LSAMP: variants seen among roughly 807,000 people sequenced by gnomAD.
LSAMP encodes limbic system-associated membrane protein.
In LSAMP, 7 loss-of-function variants were observed where a neutral mutation model predicts 38.6. The observed-to-expected ratio is 0.18, with a 90% CI of 0.10 to 0.34. The LOEUF is 0.34. Ranked by LOEUF, LSAMP falls within the 10% of genes least tolerant of loss-of-function variation. The probability of loss-of-function intolerance (pLI) is 1.00; values close to 1 mark genes in which losing one functional copy is unlikely to be tolerated. For missense variants in LSAMP, 313 were observed against 420.0 expected, an observed-to-expected ratio of 0.75 and a Z score of 2.23; for synonymous variants, 154 against 166.8, an observed-to-expected ratio of 0.92 and a Z score of 0.59.
At chr3:116,036,497 G>C (rs889922451) in intron 2 of LSAMP, among the ~76,000 whole-genome samples, 1 of 152,070 alleles carries the variant, frequency 6.6e-6, no homozygotes, top group Non-Finnish European at 1.5e-5. Flanking sequence ...CTAATTCTGT[G>C]CCTCACTTTT....
chr3:116,200,790 G>T (rs545530707), intron 1 of LSAMP, among the ~76,000 whole-genome samples: 1 of 152,164 alleles, frequency 6.6e-6, no homozygotes, highest in Non-Finnish European at 1.5e-5. Context: ...AAAAGCAAGA[G>T]AAAATAGCAG....
chr3:116,381,342 T>C (rs1198208244), intron 1 of LSAMP, among the ~76,000 whole-genome samples: 1 of 152,266 alleles, frequency 6.6e-6, no homozygotes, highest in Admixed American at 6.5e-5. Flanking sequence ...TATTATAATG[T>C]ACATGAAAGA....
intron 3 of LSAMP, among the ~76,000 whole-genome samples, chr3:115,879,502 A>C (rs1011921434): frequency 6.6e-6 from 1 of 152,202 alleles, no homozygotes; most frequent in Non-Finnish European, 1.5e-5. Flanking sequence ...TGTAAATAAT[A>C]AATAAAAAGC....
At chr3:115,846,741 A>G (rs1935172519) in intron 4 of LSAMP, among the ~76,000 whole-genome samples, 1 of 152,192 alleles carries the variant, frequency 6.6e-6, no homozygotes, top group Admixed American at 6.5e-5. Flanking sequence ...TTTGGAGAAC[A>G]ATGAATTGCT....
At chr3:116,410,166 C>T (rs2048952675) in intron 1 of LSAMP, among the ~76,000 whole-genome samples, 2 of 152,014 alleles carry the variant, frequency 1.3e-5, no homozygotes, top group African/African-American at 4.8e-5. Context: ...TATATAGCAC[C>T]TCAATCACGA....
Position 115,804,889 on chromosome 3 carries a change from A to C in LSAMP, c.*5428T>G, listed in dbSNP as rs1933596918. The C allele has an allele frequency of 6.6e-6, 1 of 152,198 alleles. No individual in the cohort carries two copies. The highest frequency in any genetic ancestry group is 6.5e-5 in the Admixed American group (1 of 15,280). The allele number at this position is 152,198 out of a possible 1,614,324, so 9.4% of individuals were successfully genotyped here. A position where few individuals can be genotyped will look rare whatever the true frequency, so the allele number is the denominator to read the frequency against. On this transcript the variant is annotated 3_prime_UTR_variant, in exon 7 of 7. Coordinates refer to ENST00000490035, the MANE Select transcript of LSAMP (RefSeq NM_002338.5). ...TGTGGAAACATTAGGCTACCAGATA[A>C]ATAAAAGGTAGTTATTTCCTAGGGT...
intron 6 of LSAMP, among the ~76,000 whole-genome samples, chr3:115,824,676 C>T (rs2107471791): frequency 6.7e-6 from 1 of 149,930 alleles, no homozygotes; most frequent in African/African-American, 2.5e-5. Context: ...AGTCATTGCA[C>T]TCCAGCCTGG....
intron 1 of LSAMP, among the ~76,000 whole-genome samples, chr3:116,087,895 A>AT (rs113096762): frequency 0.016 from 2,170 of 139,608 alleles, 35 homozygotes; most frequent in African/African-American, 0.043. Flanking sequence ...TTAGAGGGAG[A>AT]TTTTTTTTTT....
intron 3 of LSAMP, among the ~76,000 whole-genome samples, chr3:115,960,988 G>T (rs1032569437): frequency 1.3e-5 from 2 of 152,092 alleles, no homozygotes; most frequent in South Asian, 4.1e-4. Context: ...CCTCCCACAC[G>T]CCCAACTTGA....
At chr3:116,408,812 A>C (rs1189280015) in intron 1 of LSAMP, among the ~76,000 whole-genome samples, 1 of 152,056 alleles carries the variant, frequency 6.6e-6, no homozygotes, top group Non-Finnish European at 1.5e-5. Context: ...TGGCTTACTG[A>C]TTGTCAGATA....
chr3:116,418,589 C>G (rs868715900), intron 1 of LSAMP, among the ~76,000 whole-genome samples: 27 of 152,238 alleles, frequency 1.8e-4, no homozygotes, highest in Admixed American at 1.4e-3. Context: ...GGATGATCCC[C>G]TGCTGCAAGC....
intron 1 of LSAMP, among the ~76,000 whole-genome samples, chr3:116,283,947 A>C (rs921064620): frequency 6.6e-6 from 1 of 152,142 alleles, no homozygotes; most frequent in East Asian, 1.9e-4. Flanking sequence ...CGGAGGTTGC[A>C]GTGAGCCGAG....
chr3:116,328,290 G>A (rs565531167), intron 1 of LSAMP, among the ~76,000 whole-genome samples: 1 of 152,204 alleles, frequency 6.6e-6, no homozygotes, highest in Admixed American at 6.5e-5. Flanking sequence ...ACCACAAAGA[G>A]CTCTCTTGCA....
At chr3:115,873,267 G>A (rs1211979795) in intron 3 of LSAMP, among the ~76,000 whole-genome samples, 3 of 151,914 alleles carry the variant, frequency 2.0e-5, no homozygotes, top group Non-Finnish European at 4.4e-5. Context: ...CTACTCAGGA[G>A]GCTAACTTGG....
intron 1 of LSAMP, among the ~76,000 whole-genome samples, chr3:116,355,285 G>A (rs980300010): frequency 6.6e-6 from 1 of 152,036 alleles, no homozygotes; most frequent in Non-Finnish European, 1.5e-5. Context: ...GGGAATTACT[G>A]TATAAAAATG....
rs548826796 is a variant in LSAMP at position 115,818,653 on chromosome 3, C to T, written c.920-8239G>A. 2.0e-5 allele frequency among the ~76,000 whole-genome samples: 3 copies of T among 149,940 alleles called. No homozygotes were observed. In the East Asian group the frequency reaches 5.9e-4, roughly 30 times the overall value. On this transcript the variant is annotated intron_variant, in intron 6 of 6. Transcript: ENST00000490035. ...GTTTTGTGGTAAAATCCCTTCTAGA[C>T]AGGATTATTAGTGCAATTTTAGTGG...
At chr3:116,184,379 C>A (rs577892114) in intron 1 of LSAMP, among the ~76,000 whole-genome samples, 130 of 151,994 alleles carry the variant, frequency 8.6e-4, no homozygotes, top group African/African-American at 3.1e-3. Context: ...ACTCTACTAT[C>A]TTTATTCTTA....
At chr3:116,336,898 C>G (rs2047926379) in intron 1 of LSAMP, among the ~76,000 whole-genome samples, 2 of 151,252 alleles carry the variant, frequency 1.3e-5, no homozygotes, top group Non-Finnish European at 3.0e-5. Context: ...TGCAAGTGTT[C>G]ATTAAAAAAT....
intron 1 of LSAMP, among the ~76,000 whole-genome samples, chr3:116,345,992 A>G (rs1373138757): frequency 6.6e-6 from 1 of 152,216 alleles, no homozygotes; most frequent in African/African-American, 2.4e-5. Context: ...TGTGCCATGC[A>G]CATAATCTAA....
Sources: allele counts gnomAD v4.1 joint callset (sites outside exome capture counted in the v4.1 genomes callset), GRCh38; gene constraint gnomAD v4.1.1; transcripts MANE v1.5; gene names NCBI Gene and HGNC (gene_info 2026-07-23, HGNC 2026-07-21).